MBP: variants seen among roughly 807,000 people sequenced by gnomAD.
The protein encoded by MBP is Golli-MBP.
MBP carries 16 observed loss-of-function variants against 35.8 expected under a neutral mutation model. The ratio of observed to expected loss-of-function variants is 0.45; its 90% CI spans 0.30 to 0.68. The LOEUF (loss-of-function observed/expected upper bound fraction) is 0.68, where lower values mean the gene tolerates loss of function less well. MBP is among the 30% of genes least tolerant of loss of function. MBP has a pLI of 0.08. For missense variants in MBP, 380 were observed against 404.7 expected (o/e 0.94, Z 0.52); for synonymous variants, 143 against 159.6 (o/e 0.90, Z 0.78).
intron 1 of MBP, among the ~76,000 whole-genome samples, chr18:77,120,917 G>T (rs865986871): frequency 6.6e-6 from 1 of 152,180 alleles, no homozygotes; most frequent in African/African-American, 2.4e-5. Context: ...CAAAAATACC[G>T]CCAGGACCTT....
chr18:76,989,062 TGAA>T lies in MBP; in HGVS notation c.682-153_682-151del, dbSNP rs1969742419. 1.3e-6 allele frequency: 1 copy of T among 769,384 alleles called. No individual in the cohort carries two copies. The highest frequency in any genetic ancestry group is 2.4e-6 in the Non-Finnish European group (1 of 417,082). The allele number at this position is 769,384 out of a possible 1,614,324, so 47.7% of individuals were successfully genotyped here. The stretch of plus-strand genomic sequence containing the variant: ...GCCTCCCCACTTCTGTCCTAGTTGG[TGAA>T]GAAGTATAGACCTGAGATTGAAAAT... On this transcript the variant is annotated intron_variant, in intron 5 of 8. Transcript: ENST00000355994. This position sits in a 1 kb window ranked among gnomAD's most constrained non-coding sequence, Gnocchi z 4.0.
At chr18:76,982,887 G>T (rs1218629099) in intron 8 of MBP, 1 of 136,230 alleles carries the variant, frequency 7.3e-6, no homozygotes, top group African/African-American at 2.4e-5. Context: ...AGCTTCCCTT[G>T]AACTCTACAG....
At chr18:77,034,834 T>C (rs1599114424) in intron 3 of MBP, among the ~76,000 whole-genome samples, 1 of 152,014 alleles carries the variant, frequency 6.6e-6, no homozygotes, top group Non-Finnish European at 1.5e-5. Context: ...ACGTCCTCTT[T>C]GTACCATTTG....
chr18:77,051,262 T>A (rs1973476745), intron 3 of MBP, among the ~76,000 whole-genome samples: 1 of 152,234 alleles, frequency 6.6e-6, no homozygotes, highest in Non-Finnish European at 1.5e-5. Flanking sequence ...CCCATTTCAG[T>A]GTGCCCAAAT....
At chr18:77,038,633 AG>A (rs1322966052) in intron 3 of MBP, among the ~76,000 whole-genome samples, 1 of 152,190 alleles carries the variant, frequency 6.6e-6, no homozygotes, top group East Asian at 1.9e-4. Flanking sequence ...CTTGGCATCA[AG>A]TACTTGCTAT....
Position 77,037,801 on chromosome 18 carries a change from G to C in MBP, c.140-20533C>G, listed in dbSNP as rs116537556. ...CTGGGTGACAGCAGGACGGTACCAA[G>C]TGCTGGTGACAGAGACGTGGCCACA... On this transcript the variant is annotated intron_variant, in intron 3 of 8. Coordinates refer to ENST00000355994, the MANE Select transcript of MBP (RefSeq NM_001025101.2). Among the ~76,000 whole-genome samples, 1,431 of 152,332 alleles carry C rather than the reference G, an allele frequency of 9.4e-3. 22 individuals are homozygous for C. Among genetic ancestry groups the C allele is most frequent in the African/African-American group, 0.032 (1,350 of 41,560 alleles).
intron 3 of MBP, among the ~76,000 whole-genome samples, chr18:77,056,030 G>A (rs564430297): frequency 4.6e-5 from 7 of 152,368 alleles, no homozygotes; most frequent in African/African-American, 4.8e-5. Context: ...AGCGTGCTGC[G>A]CTCCACTGAC....
intron 4 of MBP, chr18:77,010,179 A>T (rs1971264665): frequency 1.9e-6 from 1 of 533,444 alleles, no homozygotes; most frequent in South Asian, 2.3e-5. Flanking sequence ...CAGGAAATCG[A>T]GAGCAAAAGG....
At chr18:77,072,329 T>G (rs535819339) in intron 2 of MBP, among the ~76,000 whole-genome samples, 1 of 152,330 alleles carries the variant, frequency 6.6e-6, no homozygotes, top group East Asian at 1.9e-4. Context: ...CCATATTCCC[T>G]GCCGTAGACA....
intron 1 of MBP, among the ~76,000 whole-genome samples, chr18:77,106,102 T>C (rs1156400911): frequency 6.6e-6 from 1 of 152,160 alleles, no homozygotes; most frequent in Non-Finnish European, 1.5e-5. Flanking sequence ...GACAACATGT[T>C]TTCCATGATG....
At chr18:77,091,087 A>G (rs1975503142) in intron 2 of MBP, among the ~76,000 whole-genome samples, 1 of 152,170 alleles carries the variant, frequency 6.6e-6, no homozygotes, top group South Asian at 2.1e-4. Flanking sequence ...CGAAAACAAC[A>G]TACAAGCTAG....
chr18:77,114,922 T>C (rs1976607482), intron 1 of MBP: 1 of 152,442 alleles, frequency 6.6e-6, no homozygotes, highest in African/African-American at 2.4e-5. Flanking sequence ...GGCGAGGGCC[T>C]TCCTATTCCT....
At position 76,980,212 on chromosome 18, in the gene MBP, C is replaced by A; in HGVS notation, c.*215G>T. 1 of 648,670 alleles carries A rather than the reference C, an allele frequency of 1.5e-6. No individual in the cohort carries two copies. Among genetic ancestry groups the A allele is most frequent in the Non-Finnish European group, 2.8e-6 (1 of 361,104 alleles). 40.2% of individuals were successfully genotyped at this position (648,670 alleles called of 1,614,324 possible). A position where few individuals can be genotyped will look rare whatever the true frequency, so the allele number is the denominator to read the frequency against. On this transcript the variant is annotated 3_prime_UTR_variant, in exon 9 of 9. Transcript: ENST00000355994. ...AACGTGATCTTCACACAGAAAGGGA[C>A]AGTTTTAACCGTTTTCTGTTTTCAT...
At chr18:77,118,385 T>C (rs1976764029) in intron 1 of MBP, among the ~76,000 whole-genome samples, 1 of 152,080 alleles carries the variant, frequency 6.6e-6, no homozygotes, top group East Asian at 1.9e-4. Context: ...ACCCAGCAGT[T>C]GGCACAGGAC....
At chr18:77,034,087 G>A (rs1381438864) in intron 3 of MBP, among the ~76,000 whole-genome samples, 2 of 141,256 alleles carry the variant, frequency 1.4e-5, no homozygotes, top group Non-Finnish European at 3.1e-5. Flanking sequence ...ATTACCTGGG[G>A]CCCTCAGACC....
At chr18:77,027,982 T>TTTTATTTATTTATTTATTTATTTATATA in intron 3 of MBP, among the ~76,000 whole-genome samples, 1 of 145,442 alleles carries the variant, frequency 6.9e-6, no homozygotes, top group South Asian at 2.2e-4. Context: ...CCCAGCTAAT[T>TTTTATTTATTTATTTATTTATTTATATA]TTTATTTATT....
At chr18:77,036,914 C>T (rs1269443792) in intron 3 of MBP, among the ~76,000 whole-genome samples, 8 of 71,874 alleles carry the variant, frequency 1.1e-4, no homozygotes, top group African/African-American at 1.3e-4. Flanking sequence ...GTGCTGGTCA[C>T]ATTTTGGAGA....
chr18:77,039,936 C>T (rs1010026837), intron 3 of MBP, among the ~76,000 whole-genome samples: 3 of 152,096 alleles, frequency 2.0e-5, no homozygotes, highest in South Asian at 2.1e-4. Flanking sequence ...CTGGTGCGGC[C>T]GGCTCTACAG....
rs149564293 is a variant in MBP, at chr18:77,100,403, C to T, written c.51+4808G>A. ...CACCTAGTCTGCTATTTTGTTATGG[C>T]AGCCCCAAGAACTCATACAACATAC... On this transcript the variant is annotated intron_variant, in intron 2 of 8. Coordinates refer to ENST00000355994, the MANE Select transcript of MBP (RefSeq NM_001025101.2). Among the ~76,000 whole-genome samples, 311 of 152,300 alleles carry T rather than the reference C, an allele frequency of 2.0e-3. 1 individual carries two copies. The highest frequency in any genetic ancestry group is 6.9e-3 in the African/African-American group (288 of 41,548).
Sources: allele counts gnomAD v4.1 joint callset (sites outside exome capture counted in the v4.1 genomes callset), GRCh38; gene constraint gnomAD v4.1.1; non-coding constraint Gnocchi (gnomAD v3.1); transcripts MANE v1.5; gene names NCBI Gene and HGNC (gene_info 2026-07-23, HGNC 2026-07-21).